The following WBP1L variants were observed in gnomAD, a reference collection of about 807,000 sequenced individuals.
The protein encoded by WBP1L is WW domain binding protein 1 like.
WBP1L carries 17 observed loss-of-function variants against 33.7 expected under a neutral mutation model. That is an observed-to-expected ratio of 0.50 (90% CI 0.34 to 0.76). The LOEUF (loss-of-function observed/expected upper bound fraction) is 0.76, where lower values mean the gene tolerates loss of function less well. WBP1L is among the 30% of genes least tolerant of loss of function. The pLI is 0.01. For synonymous variants in WBP1L, 173 were observed against 190.8 expected (o/e 0.91, Z 0.77); for missense variants, 389 against 469.4 (o/e 0.83, Z 1.58).
At chr10:102,751,636 A>G (rs1463003363) in intron 1 of WBP1L, among the ~76,000 whole-genome samples, 2 of 152,178 alleles carry the variant, frequency 1.3e-5, no homozygotes, top group Admixed American at 1.3e-4. Context: ...AATAATTTAA[A>G]CTAAATAGCT....
At chr10:102,799,937 T>TTGAGGAC (rs1462451153) in intron 2 of WBP1L, among the ~76,000 whole-genome samples, 9 of 152,186 alleles carry the variant, frequency 5.9e-5, no homozygotes, top group Non-Finnish European at 1.5e-5. Flanking sequence ...CTTTTCCCTT[T>TTGAGGAC]TGAGGACTGA....
chr10:102,774,931 T>G (rs1843236999), intron 1 of WBP1L, among the ~76,000 whole-genome samples: 2 of 151,200 alleles, frequency 1.3e-5, no homozygotes, highest in South Asian at 4.2e-4. Flanking sequence ...CTGGGCAACA[T>G]GGCGAAACCC....
intron 1 of WBP1L, among the ~76,000 whole-genome samples, chr10:102,765,722 G>A (rs1843098082): frequency 6.6e-6 from 1 of 152,208 alleles, no homozygotes. Context: ...AAAACATAAA[G>A]TGTGAAATGG....
chr10:102,768,913 C>T (rs927726448), intron 1 of WBP1L, among the ~76,000 whole-genome samples: 35 of 152,000 alleles, frequency 2.3e-4, no homozygotes, highest in Non-Finnish European at 4.0e-4. Context: ...TGGTCTTGAT[C>T]TCCTGACCTC....
intron 3 of WBP1L, among the ~76,000 whole-genome samples, chr10:102,810,257 C>T (rs1357650689): frequency 6.6e-6 from 1 of 152,122 alleles, no homozygotes; most frequent in Non-Finnish European, 1.5e-5. Context: ...GGTGCAGTTC[C>T]CTGAAGCCAC....
chr10:102,747,747 C>G (rs1277079812), intron 1 of WBP1L, among the ~76,000 whole-genome samples: 1 of 152,138 alleles, frequency 6.6e-6, no homozygotes, highest in Non-Finnish European at 1.5e-5. Flanking sequence ...AGGCCGGTCG[C>G]AAACTCCTGG....
chr10:102,776,550 A>G, intron 1 of WBP1L: 1 of 1,181,430 alleles, frequency 8.5e-7, no homozygotes, highest in Non-Finnish European at 1.3e-6. Flanking sequence ...CCCACACAGA[A>G]CTTTCCAGTC....
In WBP1L at chr10:102,781,144, A is replaced by C. The variant is rs144559648; in HGVS notation, c.91-16849A>C. Among the ~76,000 whole-genome samples, 245 of 152,344 alleles carry C rather than the reference A, an allele frequency of 1.6e-3. 1 individual carries two copies. The highest frequency in any genetic ancestry group is 5.7e-3 in the African/African-American group (238 of 41,572). Reference sequence around the variant, plus strand: ...GGCTGATGCCGAATGTGACAAGGCAACTAGAATGTTGCATGGTACTTACTC... The same window carrying C: ...GGCTGATGCCGAATGTGACAAGGCACCTAGAATGTTGCATGGTACTTACTC... On this transcript the variant is annotated intron_variant, in intron 1 of 3. Coordinates refer to ENST00000448841, the MANE Select transcript of WBP1L (RefSeq NM_001083913.2).
At chr10:102,760,564 C>T (rs1843026087) in intron 1 of WBP1L, among the ~76,000 whole-genome samples, 2 of 151,782 alleles carry the variant, frequency 1.3e-5, no homozygotes, top group South Asian at 2.1e-4. Context: ...TTAGTAGAGA[C>T]GGGGTTTCTC....
At chr10:102,798,458 C>T (rs1440266524) in intron 2 of WBP1L, among the ~76,000 whole-genome samples, 2 of 151,982 alleles carry the variant, frequency 1.3e-5, no homozygotes, top group African/African-American at 2.4e-5. Context: ...GACGGAGTCT[C>T]GCTCTGTCAC....
At chr10:102,797,900 G>C in intron 1 of WBP1L, 93 bp from the exon 2 acceptor site, 1 of 1,142,408 alleles carries the variant, frequency 8.8e-7, no homozygotes, top group Admixed American at 2.0e-5. Context: ...TGTTTTGGGG[G>C]CTGGTGAATA....
chr10:102,816,242 A>G lies in WBP1L; in HGVS notation c.*2911A>G, dbSNP rs1375704235. On this transcript the variant is annotated 3_prime_UTR_variant, in exon 4 of 4. Coordinates refer to ENST00000448841, the MANE Select transcript of WBP1L (RefSeq NM_001083913.2). The stretch of plus-strand genomic sequence containing the variant: ...GGCTCTAACCACTGTGAGAAGCCCA[A>G]ATAAAAATTGATCCCAAAAATGCTA... The G allele has an allele frequency of 6.6e-6, 1 of 152,622 alleles. No homozygotes were observed. Among genetic ancestry groups the G allele is most frequent in the African/African-American group, 2.4e-5 (1 of 41,440 alleles). 9.5% of individuals were successfully genotyped at this position (152,622 alleles called of 1,614,324 possible). A position where few individuals can be genotyped will look rare whatever the true frequency, so the allele number is the denominator to read the frequency against.
rs530413420 is a variant in WBP1L at position 102,809,774 on chromosome 10, G to C, written c.194-119G>C. 1.2e-5 allele frequency: 14 copies of C among 1,139,348 alleles called. No homozygotes were observed. The East Asian group carries it at 2.9e-4, about 24-fold the overall frequency. The allele number at this position is 1,139,348 out of a possible 1,614,324, so 70.6% of individuals were successfully genotyped here. A position where few individuals can be genotyped will look rare whatever the true frequency, so the allele number is the denominator to read the frequency against. ...CTTCAATGTAAATTAACTGGGTGAG[G>C]CCCAGCCATGCCAGCTTCAACCACG... On this transcript the variant is annotated intron_variant, in intron 2 of 3. Coordinates refer to ENST00000448841, the MANE Select transcript of WBP1L (RefSeq NM_001083913.2).
rs532815587 is a variant in WBP1L at position 102,751,248 on chromosome 10, C to T, written c.90+7105C>T. On this transcript the variant is annotated intron_variant, in intron 1 of 3. Coordinates refer to ENST00000448841, the MANE Select transcript of WBP1L (RefSeq NM_001083913.2). ...AACTCCTGACCTCAGGCGATCTGCC[C>T]GACTTGGCCTCCCAAAGTGCTGAGA... Among the ~76,000 whole-genome samples, 133 of 152,040 alleles carry T rather than the reference C, an allele frequency of 8.7e-4. 1 individual carries two copies. In the South Asian group the frequency reaches 0.021, roughly 24 times the overall value.
chr10:102,750,734 C>T (rs964736028), intron 1 of WBP1L, among the ~76,000 whole-genome samples: 3 of 151,968 alleles, frequency 2.0e-5, no homozygotes, highest in African/African-American at 7.2e-5. Flanking sequence ...ATCTCCTGAC[C>T]TTGTGATCCG....
intron 1 of WBP1L, among the ~76,000 whole-genome samples, chr10:102,766,538 C>A (rs1342558352): frequency 6.6e-6 from 1 of 150,620 alleles, no homozygotes; most frequent in African/African-American, 2.4e-5. Context: ...GGGAGGATTG[C>A]TTGTGCCTGC....
At chr10:102,775,117 C>CAAA (rs59486422) in intron 1 of WBP1L, among the ~76,000 whole-genome samples, 29 of 97,208 alleles carry the variant, frequency 3.0e-4, no homozygotes, top group South Asian at 4.6e-4. Context: ...GACCCTATCT[C>CAAA]AAAAAAAAAA....
chr10:102,755,334 G>A (rs1842963340), intron 1 of WBP1L, among the ~76,000 whole-genome samples: 1 of 152,008 alleles, frequency 6.6e-6, no homozygotes, highest in South Asian at 2.1e-4. Flanking sequence ...ATAGTGCACG[G>A]CAGCTTTGAA....
At chr10:102,751,840 T>C (rs1842926831) in intron 1 of WBP1L, among the ~76,000 whole-genome samples, 1 of 152,142 alleles carries the variant, frequency 6.6e-6, no homozygotes, top group African/African-American at 2.4e-5. Flanking sequence ...AAAATGGGAA[T>C]TGTACTAGTA....
Sources: gnomAD v4.1 joint callset for allele counts (sites outside exome capture counted in the v4.1 genomes callset) on GRCh38, gnomAD v4.1.1 for gene constraint, MANE v1.5 for transcripts, NCBI Gene and HGNC (gene_info 2026-07-23, HGNC 2026-07-21) for gene names.